The following MBTPS1 variants were observed in gnomAD, a reference collection of about 807,000 sequenced individuals.
The protein encoded by MBTPS1 is membrane bound transcription factor peptidase, site 1, also known as membrane-bound transcription factor site-1 protease.
A neutral mutation model predicts 127.8 loss-of-function variants in MBTPS1; 94 were observed. The observed-to-expected ratio is 0.74, with a 90% confidence interval of 0.62 to 0.87. The LOEUF (loss-of-function observed/expected upper bound fraction) is 0.87, where lower values mean the gene tolerates loss of function less well. Among genes scored for constraint, MBTPS1 ranks in the 40% least tolerant of loss-of-function variants. The probability of loss-of-function intolerance (pLI) is 0.00; values close to 1 mark genes in which losing one functional copy is unlikely to be tolerated. For missense variants in MBTPS1, 1,636 were observed against 1,353.2 expected (o/e 1.21, Z -3.28); for synonymous variants, 632 against 509.4 (o/e 1.24, Z -3.24).
rs372146681 is a variant in MBTPS1, at chr16:84,085,054, C to G, written c.1215G>C (p.Gly405=). The G allele has an allele frequency of 1.4e-4, 232 of 1,614,150 alleles. No individual in the cohort carries two copies. The highest frequency in any genetic ancestry group is 1.8e-4 in the Non-Finnish European group (213 of 1,180,020). ...GAGVRGSGVK[G]GCRALSGTSV... ...TGGTCCCTGAGAGGGCCCGGCACCC[C>G]CCTTTCACGCCAGAACCCCGCACGC... Residue 405 remains glycine, a synonymous_variant, in exon 10 of 23, where the codon GGG becomes GGC. Transcript: ENST00000343411.
intron 10 of MBTPS1, 44 bp downstream of exon 10, chr16:84,084,939 T>G (rs753499595): frequency 1.3e-6 from 2 of 1,595,450 alleles, no homozygotes; most frequent in Non-Finnish European, 1.7e-6. Flanking sequence ...CGAGTGCTCC[T>G]GTCCTGACGT....
At position 84,101,655 on chromosome 16, in the gene MBTPS1, C is replaced by G. The variant is rs148030971; in HGVS notation, c.129G>C (p.Leu43Phe). The change falls in exon 2 of 23, where the codon TTG becomes TTC. Residue 43 changes from leucine to phenylalanine, a missense_variant. By Grantham distance (22) the Leu-to-Phe change is conservative (BLOSUM62 0). Transcript: ENST00000343411. ...CAACTGTTGATGAGAATTCCACCTTCAAAGTCAGGTGGGAACAGCCAGGGC... is the reference window on the plus strand; with the variant it reads ...CAACTGTTGATGAGAATTCCACCTTGAAAGTCAGGTGGGAACAGCCAGGGC... Reference protein sequence around the residue: ...APCPGCSHLTLKVEFSSTVVE... With the variant: ...APCPGCSHLTFKVEFSSTVVE... 14 of 1,613,884 alleles carry G rather than the reference C, an allele frequency of 8.7e-6. No homozygotes were observed. In the Admixed American group the frequency reaches 1.8e-4, roughly 21 times the overall value.
chr16:84,068,251 C>T, intron 15 of MBTPS1, 88 bp downstream of exon 15: 1 of 938,054 alleles, frequency 1.1e-6, no homozygotes, highest in Non-Finnish European at 1.7e-6. Flanking sequence ...GTAGCTATCA[C>T]TGAAAACTGG....
At position 84,091,071 on chromosome 16, in the gene MBTPS1, G is replaced by A. The variant is rs191370248; in HGVS notation, c.964-129C>T. On this transcript the variant is annotated intron_variant, in intron 7 of 22. Transcript: ENST00000343411. ...AAAGCAGCACTGGCCCATTATAAAG[G>A]CGGATGTGCTGGCAACTTGCATTTT... 765 of 738,422 alleles carry A rather than the reference G, an allele frequency of 1.0e-3. 2 individuals carry two copies. The highest frequency in any genetic ancestry group is 1.9e-3 in the Admixed American group (78 of 40,214). The allele number at this position is 738,422 out of a possible 1,614,324, so 45.7% of individuals were successfully genotyped here. A position where few individuals can be genotyped will look rare whatever the true frequency, so the allele number is the denominator to read the frequency against.
At chr16:84,095,315 C>T (rs553745824) in intron 4 of MBTPS1, among the ~76,000 whole-genome samples, 1 of 152,342 alleles carries the variant, frequency 6.6e-6, no homozygotes, top group East Asian at 1.9e-4. Context: ...GCTCCACAGC[C>T]TTCCCTTCTA....
chr16:84,085,073 C>G lies in MBTPS1; in HGVS notation c.1196G>C (p.Arg399Pro), dbSNP rs749480313. The change falls in exon 10 of 23, where the codon CGG (arginine) becomes CCG (proline). Residue 399 changes from arginine to proline, a missense_variant. By Grantham distance (103) the Arg-to-Pro change is moderately radical. Coordinates refer to ENST00000343411, the MANE Select transcript of MBTPS1 (RefSeq NM_003791.4). Reference sequence around the variant, plus strand: ...GCACCCCCCTTTCACGCCAGAACCCCGCACGCCAGCACCATAGGTGACAAT... The same window carrying G: ...GCACCCCCCTTTCACGCCAGAACCCGGCACGCCAGCACCATAGGTGACAAT... Reference protein sequence around the residue: ...PDIVTYGAGVRGSGVKGGCRA... With the variant: ...PDIVTYGAGVPGSGVKGGCRA... 6.2e-7 allele frequency: 1 copy of G among 1,614,146 alleles called. No individual in the cohort carries two copies. The highest frequency in any genetic ancestry group is 1.1e-5 in the South Asian group (1 of 91,076).
At chr16:84,067,267 T>TA (rs2085699615) in intron 16 of MBTPS1, among the ~76,000 whole-genome samples, 1 of 152,216 alleles carries the variant, frequency 6.6e-6, no homozygotes, top group African/African-American at 2.4e-5. Context: ...TCTATATTAT[T>TA]AACAGTACTC....
In MBTPS1 at chr16:84,095,778, G is replaced by C. The variant is rs563774189; in HGVS notation, c.449C>G (p.Thr150Ser). The C allele has an allele frequency of 6.2e-6, 10 of 1,613,876 alleles. No individual in the cohort carries two copies. Among genetic ancestry groups the C allele is most frequent in the Non-Finnish European group, 6.8e-6 (8 of 1,179,986 alleles). The change falls in exon 4 of 23, where the codon ACC becomes AGC. Residue 150 changes from threonine (T) to serine (S), a missense_variant. Coordinates refer to ENST00000343411, the MANE Select transcript of MBTPS1 (RefSeq NM_003791.4). ...ESDPTVPCNE[T>S]RWSQKWQSSR... ...TGATTGCCACTTCTGGCTCCACCGG[G>C]TTTCATTGCAGGGTACTGTGGGGTC...
Position 84,066,561 on chromosome 16 carries a change from G to A in MBTPS1, c.2281C>T (p.Leu761=). 3 of 1,614,162 alleles carry A rather than the reference G, an allele frequency of 1.9e-6. No individual in the cohort carries two copies. Among genetic ancestry groups the A allele is most frequent in the Non-Finnish European group, 2.5e-6 (3 of 1,180,000 alleles). ...AACCCCATGTTCCACACAGACAGCAGCTCATTCAGAGCTGGGATGTTAGCT... is the reference window on the plus strand; with the variant it reads ...AACCCCATGTTCCACACAGACAGCAACTCATTCAGAGCTGGGATGTTAGCT... The part of the protein sequence containing the change: ...GGANIPALNE[L]LSVWNMGFSD... Residue 761 remains leucine, a synonymous_variant, in exon 17 of 23, where the codon CTG becomes TTG. Transcript: ENST00000343411.
At chr16:84,057,385 A>AT (rs777242523) in intron 21 of MBTPS1, 6 of 152,210 alleles carry the variant, frequency 3.9e-5, no homozygotes, top group Non-Finnish European at 5.9e-5. Flanking sequence ...CCAGAATCTC[A>AT]TTCTTTGGTG....
rs773874587 is a variant in MBTPS1 at position 84,087,393 on chromosome 16, T to C, written c.1099A>G (p.Ile367Val). ...ATTCCCCTTGAAGAAAAGCGGGCGA[T>C]GTTATCTTCAAAGTCAATGCCGCCT... Reference protein sequence around the residue: ...GVGGIDFEDNIARFSSRGMTT... With the variant: ...GVGGIDFEDNVARFSSRGMTT... Residue 367 changes from isoleucine (I) to valine (V), a missense_variant, in exon 9 of 23, where the codon ATC (isoleucine) becomes GTC (valine). Coordinates refer to ENST00000343411, the MANE Select transcript of MBTPS1 (RefSeq NM_003791.4). 6 of 1,612,170 alleles carry C rather than the reference T, an allele frequency of 3.7e-6. No individual in the cohort carries two copies. Among genetic ancestry groups the C allele is most frequent in the African/African-American group, 1.3e-5 (1 of 74,390 alleles).
chr16:84,110,181 C>T (rs2086379748), intron 1 of MBTPS1, among the ~76,000 whole-genome samples: 1 of 152,204 alleles, frequency 6.6e-6, no homozygotes, highest in Non-Finnish European at 1.5e-5. Flanking sequence ...CCACACACGT[C>T]AGACAGATTT....
At chr16:84,114,601 C>G (rs1422655397) in intron 1 of MBTPS1, among the ~76,000 whole-genome samples, 3 of 151,784 alleles carry the variant, frequency 2.0e-5, no homozygotes. Flanking sequence ...GAGGCCGACG[C>G]GGGCGGATCA....
rs149482631 is a variant in MBTPS1 at position 84,095,696 on chromosome 16, C to T, written c.531G>A (p.Thr177=). 14 of 1,614,080 alleles carry T rather than the reference C, an allele frequency of 8.7e-6. No individual in the cohort carries two copies. The highest frequency in any genetic ancestry group is 1.1e-5 in the Non-Finnish European group (13 of 1,180,056). Residue 177 remains threonine, a synonymous_variant, in exon 4 of 23, where the codon ACG becomes ACA. Coordinates refer to ENST00000343411, the MANE Select transcript of MBTPS1 (RefSeq NM_003791.4). ...LSLGSGFWHA[T]GRHSSRRLLR... Reference sequence around the variant, plus strand: ...GCAGCCGTCTGCTCGAATGCCTTCCCGTAGCATGCCAGAAGCCAGAGCCCA... The same window carrying T: ...GCAGCCGTCTGCTCGAATGCCTTCCTGTAGCATGCCAGAAGCCAGAGCCCA...
intron 8 of MBTPS1, among the ~76,000 whole-genome samples, chr16:84,090,364 G>T (rs985624345): frequency 1.3e-5 from 2 of 152,118 alleles, no homozygotes; most frequent in Non-Finnish European, 2.9e-5. Context: ...CCTCCTAAAT[G>T]ATCCCTCTCA....
In MBTPS1 at chr16:84,095,922, A is replaced by C. The variant is rs932502619; in HGVS notation, c.422-117T>G. Reference sequence around the variant, plus strand: ...TACCATTTGCCACTCTGTTTGAAGGAAAGTGGGATTATCTTCTTTTTCTGG... The same window carrying C: ...TACCATTTGCCACTCTGTTTGAAGGCAAGTGGGATTATCTTCTTTTTCTGG... On this transcript the variant is annotated intron_variant, in intron 3 of 22. Transcript: ENST00000343411. 3 of 743,496 alleles carry C rather than the reference A, an allele frequency of 4.0e-6. No homozygotes were observed. The African/African-American group carries it at 5.2e-5, about 13-fold the overall frequency. The allele number at this position is 743,496 out of a possible 1,614,324, so 46.1% of individuals were successfully genotyped here.
chr16:84,104,225 C>CT (rs1555513565), intron 1 of MBTPS1, among the ~76,000 whole-genome samples: 1 of 133,576 alleles, frequency 7.5e-6, no homozygotes, highest in African/African-American at 2.5e-5. Flanking sequence ...TCAAGGCAGG[C>CT]TTTTTGTTGT....
At position 84,101,823 on chromosome 16, in the gene MBTPS1, A is replaced by T. The variant is rs776577178; in HGVS notation, c.-40T>A. On this transcript the variant is annotated 5_prime_UTR_variant, in exon 2 of 23. The change creates a new upstream start codon in the 5' untranslated region. Coordinates refer to ENST00000343411, the MANE Select transcript of MBTPS1 (RefSeq NM_003791.4). ...ATGATCATAAAATTGCATATATTCAAATCACACTTTTTTCTTCTTGATTAA... is the reference window on the plus strand; with the variant it reads ...ATGATCATAAAATTGCATATATTCATATCACACTTTTTTCTTCTTGATTAA... 1.3e-6 allele frequency: 2 copies of T among 1,567,978 alleles called. No individual in the cohort carries two copies. The highest frequency in any genetic ancestry group is 1.2e-5 in the South Asian group (1 of 86,388).
At chr16:84,065,645 G>T in intron 18 of MBTPS1, 45 bp downstream of exon 18, 1 of 1,242,814 alleles carries the variant, frequency 8.0e-7, no homozygotes. Flanking sequence ...GGAAAAGGGA[G>T]CGAGAGAAAG....
Sources: gnomAD v4.1 joint callset for allele counts (sites outside exome capture counted in the v4.1 genomes callset) on GRCh38, gnomAD v4.1.1 for gene constraint, MANE v1.5 for transcripts, NCBI Gene and HGNC (gene_info 2026-07-23, HGNC 2026-07-21) for gene names.